Variants in MS4A4A observed in about 807,000 individuals in gnomAD.
The protein encoded by MS4A4A is membrane spanning 4-domains A4A.
Under a neutral mutation model 28.0 loss-of-function variants are expected in MS4A4A, and 26 were observed. The observed-to-expected ratio is 0.93, with a 90% CI of 0.68 to 1.29. The LOEUF is 1.29. Ranked by LOEUF, MS4A4A falls within the 50% of genes most tolerant of loss-of-function variation. The probability of loss-of-function intolerance (pLI) is 0.00; values close to 1 mark genes in which losing one functional copy is unlikely to be tolerated. For synonymous variants in MS4A4A, 86 were observed against 100.8 expected (o/e 0.85, Z 0.88); for missense variants, 290 against 293.1 (o/e 0.99, Z 0.08).
chr11:60,303,707 C>CA (rs200658921), intron 5 of MS4A4A, among the ~76,000 whole-genome samples: 181 of 151,618 alleles, frequency 1.2e-3, no homozygotes, highest in African/African-American at 3.9e-3. Flanking sequence ...GACTGCATCT[C>CA]AAAAAAAAGA....
At chr11:60,300,352 C>T (rs903221834) in intron 3 of MS4A4A, among the ~76,000 whole-genome samples, 1 of 152,074 alleles carries the variant, frequency 6.6e-6, no homozygotes, top group African/African-American at 2.4e-5. Flanking sequence ...CGCAGTGGCT[C>T]ACGCCTGTAA....
At chr11:60,298,655 C>T (rs2084925756) in intron 3 of MS4A4A, among the ~76,000 whole-genome samples, 1 of 152,172 alleles carries the variant, frequency 6.6e-6, no homozygotes, top group Non-Finnish European at 1.5e-5. Flanking sequence ...TTGCATACAT[C>T]TAACTACTTA....
chr11:60,290,507 A>G (rs2084845613), intron 1 of MS4A4A, among the ~76,000 whole-genome samples: 1 of 152,128 alleles, frequency 6.6e-6, no homozygotes, highest in African/African-American at 2.4e-5. Flanking sequence ...GAATAAGAAC[A>G]TTGATTTTTT....
rs755457862 is a variant in MS4A4A, at chr11:60,297,370, G to T, written c.330+45G>T. On this transcript the variant is annotated intron_variant, in intron 3 of 6. Transcript: ENST00000337908. ...ATATAATTGAAGATAACATAAAGCA[G>T]TTGTCAATACCCTGATCTTTGGAAT... The T allele has an allele frequency of 1.1e-5, 18 of 1,600,578 alleles. No homozygotes were observed. The South Asian group carries it at 2.0e-4, about 18-fold the overall frequency.
At chr11:60,283,771 C>T (rs898630967) in intron 1 of MS4A4A, among the ~76,000 whole-genome samples, 2 of 151,344 alleles carry the variant, frequency 1.3e-5, no homozygotes, top group East Asian at 3.9e-4. Context: ...AAAAATAAGA[C>T]CTATTTTATT....
chr11:60,284,379 C>G (rs1450559637), intron 1 of MS4A4A, among the ~76,000 whole-genome samples: 1 of 152,228 alleles, frequency 6.6e-6, no homozygotes. Context: ...TCCTTTAACA[C>G]TTCCTGCCAC....
At chr11:60,284,184 T>G (rs2084782513) in intron 1 of MS4A4A, among the ~76,000 whole-genome samples, 2 of 152,348 alleles carry the variant, frequency 1.3e-5, no homozygotes, top group South Asian at 4.1e-4. Flanking sequence ...AATCTTGTGT[T>G]TCTATAATTC....
chr11:60,292,158 C>A (rs2084862544), intron 1 of MS4A4A, 67 bp from the exon 2 acceptor site: 1 of 1,466,452 alleles, frequency 6.8e-7, no homozygotes, highest in East Asian at 2.5e-5. Flanking sequence ...GAGGAACCTG[C>A]CCCAAAGTGT....
At chr11:60,302,381 C>A (rs1046339947) in intron 4 of MS4A4A, among the ~76,000 whole-genome samples, 178 bp from the exon 5 acceptor site, 1 of 152,142 alleles carries the variant, frequency 6.6e-6, no homozygotes, top group Admixed American at 6.5e-5. Flanking sequence ...ATAATGAGAT[C>A]ATGTTTGTGT....
At position 60,308,301 on chromosome 11, in the gene MS4A4A, A is replaced by G. The variant is rs1413694424; in HGVS notation, c.*123A>G. ...TGATAGACTTGTTGATATTATTATT[A>G]TATGTAATCCAATTATGAACTGTGT... On this transcript the variant is annotated 3_prime_UTR_variant, in exon 7 of 7. Transcript: ENST00000337908. The G allele has an allele frequency of 1.2e-6, 1 of 801,400 alleles. No homozygotes were observed. The highest frequency in any genetic ancestry group is 2.0e-6 in the Non-Finnish European group (1 of 492,310). 49.6% of individuals were successfully genotyped at this position (801,400 alleles called of 1,614,324 possible). A position where few individuals can be genotyped will look rare whatever the true frequency, so the allele number is the denominator to read the frequency against.
Position 60,292,268 on chromosome 11 carries a change from G to A in MS4A4A, c.85G>A (p.Ala29Thr). Reference protein sequence around the residue: ...AMTTMQGMEQAMPGAGPGVPQ... With the variant: ...AMTTMQGMEQTMPGAGPGVPQ... ...GACAACCATGCAAGGAATGGAACAG[G>A]CCATGCCAGGGGCTGGCCCTGGTGT... is the stretch of plus-strand genomic sequence containing the variant. The change falls in exon 2 of 7, where the codon GCC (alanine) becomes ACC (threonine). Residue 29 changes from alanine (A) to threonine (T), a missense_variant. By Grantham distance (58) the Ala-to-Thr change is moderately conservative (BLOSUM62 0). Transcript: ENST00000337908. 1.9e-6 allele frequency: 3 copies of A among 1,603,708 alleles called. No homozygotes were observed. Among genetic ancestry groups the A allele is most frequent in the Non-Finnish European group, 2.6e-6 (3 of 1,175,640 alleles).
At chr11:60,286,964 G>C (rs544834759) in intron 1 of MS4A4A, among the ~76,000 whole-genome samples, 3 of 152,150 alleles carry the variant, frequency 2.0e-5, no homozygotes, top group African/African-American at 7.2e-5. Flanking sequence ...CTTGTGCTCT[G>C]GTCTACCTTT....
intron 1 of MS4A4A, among the ~76,000 whole-genome samples, chr11:60,289,526 C>A (rs1011015709): frequency 1.3e-5 from 2 of 151,158 alleles, no homozygotes; most frequent in Non-Finnish European, 2.9e-5. Flanking sequence ...AGGTGCTCTT[C>A]TTTAGTTACT....
At position 60,280,671 on chromosome 11, in the gene MS4A4A, C is replaced by T. The variant is rs2084747760; in HGVS notation, c.-5C>T. ...GAACTTTGAGGAACTTGCCCAGAGCCCTGCATGCATCAGACCTACAGCAGA... is the reference window on the plus strand; with the variant it reads ...GAACTTTGAGGAACTTGCCCAGAGCTCTGCATGCATCAGACCTACAGCAGA... On this transcript the variant is annotated 5_prime_UTR_variant, in exon 1 of 7. Coordinates refer to ENST00000337908, the MANE Select transcript of MS4A4A (RefSeq NM_148975.3). 1 of 1,613,422 alleles carries T rather than the reference C, an allele frequency of 6.2e-7. No individual in the cohort carries two copies. The highest frequency in any genetic ancestry group is 8.5e-7 in the Non-Finnish European group (1 of 1,179,704).
intron 6 of MS4A4A, 55 bp downstream of exon 6, chr11:60,306,256 A>T: frequency 7.5e-7 from 1 of 1,334,376 alleles, no homozygotes; most frequent in South Asian, 1.2e-5. Context: ...TTGCTGTGTA[A>T]TCGATTACAC....
intron 2 of MS4A4A, among the ~76,000 whole-genome samples, 200 bp downstream of exon 2, chr11:60,292,584 T>A (rs964864115): frequency 6.6e-6 from 1 of 152,194 alleles, no homozygotes; most frequent in African/African-American, 2.4e-5. Context: ...ATATTTAAAA[T>A]ATATTGAGTT....
At chr11:60,303,755 T>C (rs1283629443) in intron 5 of MS4A4A, among the ~76,000 whole-genome samples, 1 of 152,160 alleles carries the variant, frequency 6.6e-6, no homozygotes, top group Non-Finnish European at 1.5e-5. Flanking sequence ...TGCAAATTTT[T>C]TGTTACTTTC....
intron 1 of MS4A4A, among the ~76,000 whole-genome samples, chr11:60,283,917 A>G (rs541761501): frequency 6.6e-6 from 1 of 152,384 alleles, no homozygotes; most frequent in South Asian, 2.1e-4. Context: ...TGGAACAGAG[A>G]CTGCAAGAGG....
chr11:60,302,540 G>T lies in MS4A4A; in HGVS notation c.388-19G>T. Reference sequence around the variant, plus strand: ...GAGGATGTTGTTGGATTGTTTAATTGATTTTCATTCCTTTCTAGGTCCGAG... The same window carrying T: ...GAGGATGTTGTTGGATTGTTTAATTTATTTTCATTCCTTTCTAGGTCCGAG... On this transcript the variant is annotated intron_variant, in intron 4 of 6. Coordinates refer to ENST00000337908, the MANE Select transcript of MS4A4A (RefSeq NM_148975.3). The T allele has an allele frequency of 6.2e-7, 1 of 1,612,294 alleles. No homozygotes were observed. Among genetic ancestry groups the T allele is most frequent in the East Asian group, 2.2e-5 (1 of 44,868 alleles).
Sources: gnomAD v4.1 joint callset for allele counts (sites outside exome capture counted in the v4.1 genomes callset) on GRCh38, gnomAD v4.1.1 for gene constraint, MANE v1.5 for transcripts, NCBI Gene and HGNC (gene_info 2026-07-23, HGNC 2026-07-21) for gene names.